NOS1AP: variants seen among roughly 807,000 people sequenced by gnomAD.
NOS1AP encodes the protein carboxyl-terminal PDZ ligand of neuronal nitric oxide synthase protein.
Under a neutral mutation model 56.2 loss-of-function variants are expected in NOS1AP, and 21 were observed. That is an observed-to-expected ratio of 0.37 (90% CI 0.26 to 0.54). NOS1AP has a LOEUF of 0.54. Among genes scored for constraint, NOS1AP ranks in the 20% least tolerant of loss-of-function variants. NOS1AP has a pLI of 0.84. For synonymous variants in NOS1AP, 270 were observed against 274.6 expected (o/e 0.98, Z 0.17); for missense variants, 522 against 657.8 (o/e 0.79, Z 2.26).
At chr1:162,365,169 T>C (rs1658036719) in intron 8 of NOS1AP, 2 of 1,427,630 alleles carry the variant, frequency 1.4e-6, no homozygotes, top group Non-Finnish European at 9.1e-7. Flanking sequence ...ACCTTAGTGA[T>C]GCATCATGGC....
intron 2 of NOS1AP, among the ~76,000 whole-genome samples, chr1:162,172,975 G>A (rs1650871652): frequency 6.6e-6 from 1 of 151,562 alleles, no homozygotes; most frequent in African/African-American, 2.4e-5. Flanking sequence ...AGGCTGGAGT[G>A]TAGTGGCGCA....
At chr1:162,129,976 A>G (rs1382437899) in intron 1 of NOS1AP, among the ~76,000 whole-genome samples, 1 of 152,192 alleles carries the variant, frequency 6.6e-6, no homozygotes, top group Non-Finnish European at 1.5e-5. Flanking sequence ...CTTGGGTTTA[A>G]TTTATACTTG....
chr1:162,291,475 T>C (rs760846867), intron 3 of NOS1AP, among the ~76,000 whole-genome samples: 2 of 151,734 alleles, frequency 1.3e-5, no homozygotes, highest in Non-Finnish European at 2.9e-5. Flanking sequence ...TTCCTGTCAA[T>C]CTGCCAGTTT....
At chr1:162,250,150 A>G (rs563012967) in intron 2 of NOS1AP, among the ~76,000 whole-genome samples, 4 of 152,266 alleles carry the variant, frequency 2.6e-5, no homozygotes, top group African/African-American at 9.6e-5. Flanking sequence ...TGCTGTCTTC[A>G]GAAAGGTTCC....
chr1:162,193,082 G>A (rs761697197), intron 2 of NOS1AP, among the ~76,000 whole-genome samples: 10 of 152,090 alleles, frequency 6.6e-5, no homozygotes, highest in Non-Finnish European at 1.2e-4. Context: ...GGATGTTGAA[G>A]GATAGTTACA....
At chr1:162,301,107 A>C (rs1655637564) in intron 4 of NOS1AP, among the ~76,000 whole-genome samples, 1 of 152,206 alleles carries the variant, frequency 6.6e-6, no homozygotes, top group Non-Finnish European at 1.5e-5. Flanking sequence ...ACCCCTTCAG[A>C]AACTGAGCAT....
chr1:162,301,898 A>G (rs1655675764), intron 4 of NOS1AP, among the ~76,000 whole-genome samples: 1 of 152,244 alleles, frequency 6.6e-6, no homozygotes, highest in African/African-American at 2.4e-5. Context: ...TAAAGAGCAG[A>G]TGCTTGTGAA....
At chr1:162,294,430 G>A (rs1655384563) in intron 3 of NOS1AP, among the ~76,000 whole-genome samples, 1 of 152,100 alleles carries the variant, frequency 6.6e-6, no homozygotes, top group Admixed American at 6.5e-5. Flanking sequence ...GAACCAACAC[G>A]ATGATGAATT....
intron 2 of NOS1AP, among the ~76,000 whole-genome samples, chr1:162,252,903 A>C (rs538351827): frequency 1.3e-5 from 2 of 152,352 alleles, no homozygotes; most frequent in South Asian, 4.1e-4. Flanking sequence ...TAGCACAGGT[A>C]TAGAATATTT....
rs539143159 is a variant in NOS1AP, at chr1:162,251,880, T to G, written c.178-35464T>G. Among the ~76,000 whole-genome samples the G allele has an allele frequency of 1.6e-3, 224 of 140,136 alleles. 1 individual carries two copies. The highest frequency in any genetic ancestry group is 5.7e-3 in the African/African-American group (212 of 37,162). The allele number at this position is 140,136 out of a possible 152,430, so 91.9% of individuals were successfully genotyped here. On this transcript the variant is annotated intron_variant, in intron 2 of 9. Transcript: ENST00000361897. ...TTGTTTTTTTTTTTGTTTTTTTTTT[T>G]TTTTTTTTTGTGGAGACAAGGTCCC...
intron 2 of NOS1AP, among the ~76,000 whole-genome samples, chr1:162,228,290 A>G (rs913293787): frequency 8.5e-5 from 13 of 152,360 alleles, no homozygotes; most frequent in African/African-American, 3.1e-4. Context: ...TGTGAATACC[A>G]GAAAAGCGTA....
intron 1 of NOS1AP, among the ~76,000 whole-genome samples, chr1:162,101,151 A>G (rs763097317): frequency 3.3e-5 from 5 of 152,214 alleles, no homozygotes; most frequent in Non-Finnish European, 5.9e-5. Flanking sequence ...AGTTTTCTAC[A>G]TATGGCTGGC....
rs146810384 is a variant in NOS1AP at position 162,102,849 on chromosome 1, G to A, written c.105+32567G>A. ...CTTTTCTTCTTTATTAGTCTGGCTAGTGGTCTATTTTATTAATTTTTTCAA... is the reference window on the plus strand; with the variant it reads ...CTTTTCTTCTTTATTAGTCTGGCTAATGGTCTATTTTATTAATTTTTTCAA... On this transcript the variant is annotated intron_variant, in intron 1 of 9. Coordinates refer to ENST00000361897, the MANE Select transcript of NOS1AP (RefSeq NM_014697.3). Among the ~76,000 whole-genome samples the A allele has an allele frequency of 2.9e-3, 443 of 152,094 alleles. 5 individuals carry two copies. The highest frequency in any genetic ancestry group is 1.1e-3 in the Non-Finnish European group (75 of 67,962).
At chr1:162,348,617 A>G (rs1350271491) in intron 6 of NOS1AP, among the ~76,000 whole-genome samples, 1 of 152,232 alleles carries the variant, frequency 6.6e-6, no homozygotes, top group Non-Finnish European at 1.5e-5. Flanking sequence ...CCATTCTAAA[A>G]AAGCCCATCA....
chr1:162,148,115 G>A (rs1251942710), intron 1 of NOS1AP, among the ~76,000 whole-genome samples: 1 of 152,168 alleles, frequency 6.6e-6, no homozygotes, highest in Non-Finnish European at 1.5e-5. Context: ...TTTGCTGTGG[G>A]ACTATACAGA....
intron 3 of NOS1AP, among the ~76,000 whole-genome samples, chr1:162,288,006 G>A (rs745490684): frequency 1.3e-5 from 2 of 152,174 alleles, no homozygotes; most frequent in Admixed American, 1.3e-4. Flanking sequence ...ATGGGCAGGG[G>A]GATTGATCCA....
At chr1:162,139,387 C>G (rs1317397804) in intron 1 of NOS1AP, among the ~76,000 whole-genome samples, 1 of 152,178 alleles carries the variant, frequency 6.6e-6, no homozygotes, top group South Asian at 2.1e-4. Context: ...CAAGCCTAGA[C>G]ACTATCTATC....
At chr1:162,241,826 C>A (rs1653497479) in intron 2 of NOS1AP, among the ~76,000 whole-genome samples, 1 of 152,198 alleles carries the variant, frequency 6.6e-6, no homozygotes, top group Non-Finnish European at 1.5e-5. Flanking sequence ...CACACTGAAA[C>A]TCTGTGAACA....
At chr1:162,337,629 G>C (rs748263595) in intron 5 of NOS1AP, among the ~76,000 whole-genome samples, 1 of 152,208 alleles carries the variant, frequency 6.6e-6, no homozygotes, top group Non-Finnish European at 1.5e-5. Context: ...AGTTGGTTCT[G>C]ACAGCACTGG....
Sources: gnomAD v4.1 joint callset for allele counts (sites outside exome capture counted in the v4.1 genomes callset) on GRCh38, gnomAD v4.1.1 for gene constraint, MANE v1.5 for transcripts, NCBI Gene and HGNC (gene_info 2026-07-23, HGNC 2026-07-21) for gene names.